ANKS1B: variants seen among roughly 807,000 people sequenced by gnomAD.
ANKS1B encodes the protein ankyrin repeat and sterile alpha motif domain-containing protein 1B.
A neutral mutation model predicts 148.3 loss-of-function variants in ANKS1B; 36 were observed. That is an observed-to-expected ratio of 0.24 (90% CI 0.19 to 0.32). The LOEUF (loss-of-function observed/expected upper bound fraction) is 0.32, where lower values mean the gene tolerates loss of function less well. ANKS1B is among the 10% of genes least tolerant of loss of function. The pLI is 1.00. For synonymous variants in ANKS1B, 542 were observed against 560.8 expected, an observed-to-expected ratio of 0.97 and a Z score of 0.47; for missense variants, 1,157 against 1,542.6, an observed-to-expected ratio of 0.75 and a Z score of 4.19.
intron 9 of ANKS1B, among the ~76,000 whole-genome samples, chr12:99,505,931 G>A (rs1596016779): frequency 2.6e-5 from 4 of 152,100 alleles, no homozygotes; most frequent in South Asian, 4.1e-4. Context: ...TTACATTAGC[G>A]TATAGTTGGG....
At chr12:99,304,262 C>T (rs994015896) in intron 12 of ANKS1B, among the ~76,000 whole-genome samples, 2 of 152,122 alleles carry the variant, frequency 1.3e-5, no homozygotes, top group African/African-American at 4.8e-5. Context: ...TTCACCACAT[C>T]CATGCCAACA....
chr12:99,634,600 C>T (rs1056547416), intron 9 of ANKS1B, among the ~76,000 whole-genome samples: 4 of 152,032 alleles, frequency 2.6e-5, no homozygotes, highest in Non-Finnish European at 5.9e-5. Flanking sequence ...TAATTTTATC[C>T]TAAATAATCT....
intron 16 of ANKS1B, among the ~76,000 whole-genome samples, chr12:99,071,603 G>A (rs2046293547): frequency 6.6e-6 from 1 of 151,950 alleles, no homozygotes; most frequent in Admixed American, 6.6e-5. Context: ...GATGCAGACA[G>A]GAAGATCTCT....
chr12:99,632,032 G>C (rs193104389), intron 9 of ANKS1B, among the ~76,000 whole-genome samples: 1 of 152,124 alleles, frequency 6.6e-6, no homozygotes, highest in African/African-American at 2.4e-5. Flanking sequence ...CAGGCTCAAA[G>C]GCTGAGGAGA....
chr12:99,317,455 GCT>G (rs935488428), intron 12 of ANKS1B, among the ~76,000 whole-genome samples: 2 of 152,032 alleles, frequency 1.3e-5, no homozygotes, highest in African/African-American at 4.8e-5. Flanking sequence ...TCATGATTTG[GCT>G]CTCTGTTTGT....
At chr12:99,815,118 G>C (rs1270011601) in intron 2 of ANKS1B, among the ~76,000 whole-genome samples, 1 of 151,712 alleles carries the variant, frequency 6.6e-6, no homozygotes, top group East Asian at 1.9e-4. Flanking sequence ...AAAAAAGATT[G>C]ATGGGATCAT....
At chr12:99,633,218 T>C (rs1371602272) in intron 9 of ANKS1B, among the ~76,000 whole-genome samples, 1 of 152,006 alleles carries the variant, frequency 6.6e-6, no homozygotes, top group Non-Finnish European at 1.5e-5. Flanking sequence ...GCAATAAACA[T>C]ACGTGTGCAT....
At chr12:98,749,749 G>C (rs1189121296) in intron 26 of ANKS1B, among the ~76,000 whole-genome samples, 1 of 152,176 alleles carries the variant, frequency 6.6e-6, no homozygotes, top group African/African-American at 2.4e-5. Flanking sequence ...TTGGGGCAGA[G>C]GGTGCCATGA....
chr12:98,875,157 T>C (rs1467946125), intron 17 of ANKS1B, among the ~76,000 whole-genome samples: 2 of 152,230 alleles, frequency 1.3e-5, no homozygotes, highest in Non-Finnish European at 2.9e-5. Flanking sequence ...CAATTCTGCC[T>C]CCTTGCCTCT....
intron 1 of ANKS1B, among the ~76,000 whole-genome samples, chr12:99,970,951 G>A (rs191929601): frequency 2.0e-4 from 31 of 152,290 alleles, no homozygotes; most frequent in Admixed American, 7.8e-4. Context: ...AGTACATGGG[G>A]TAGGTAGAGA....
At chr12:99,248,486 C>G (rs1048410454) in intron 12 of ANKS1B, among the ~76,000 whole-genome samples, 4 of 152,218 alleles carry the variant, frequency 2.6e-5, no homozygotes, top group African/African-American at 9.6e-5. Flanking sequence ...ATTATACTCA[C>G]TGTCTTCTCA....
chr12:99,186,726 C>A (rs550386436), intron 14 of ANKS1B, among the ~76,000 whole-genome samples: 2 of 152,084 alleles, frequency 1.3e-5, no homozygotes, highest in South Asian at 4.2e-4. Context: ...CACCAAAACC[C>A]TATCAGAAGT....
At chr12:99,841,213 C>G (rs2085693339) in intron 1 of ANKS1B, among the ~76,000 whole-genome samples, 1 of 152,002 alleles carries the variant, frequency 6.6e-6, no homozygotes, top group Non-Finnish European at 1.5e-5. Context: ...ACATAATAAT[C>G]ATCCTTTCTG....
At chr12:99,790,772 A>C (rs2153644159) in intron 4 of ANKS1B, among the ~76,000 whole-genome samples, 1 of 152,196 alleles carries the variant, frequency 6.6e-6, no homozygotes, top group Non-Finnish European at 1.5e-5. Flanking sequence ...GGGTACGCAA[A>C]AAAATTAAAA....
chr12:99,071,644 C>CTTTTTTTTTTTTTTTTTTTTTTTTTTTTT (rs71646503), intron 16 of ANKS1B, among the ~76,000 whole-genome samples: 1 of 143,144 alleles, frequency 7.0e-6, no homozygotes, highest in Non-Finnish European at 1.5e-5. Flanking sequence ...TAATCTCTCT[C>CTTTTTTTTTTTTTTTTTTTTTTTTTTTTT]TTTTTTTTTT....
chr12:98,777,775 A>T (rs192434295), intron 24 of ANKS1B, among the ~76,000 whole-genome samples: 2 of 152,336 alleles, frequency 1.3e-5, no homozygotes, highest in East Asian at 3.9e-4. Context: ...ACCCTTTCCC[A>T]TGAATTCAGC....
chr12:99,466,733 A>T (rs2096123989), intron 10 of ANKS1B, among the ~76,000 whole-genome samples: 1 of 152,100 alleles, frequency 6.6e-6, no homozygotes, highest in Admixed American at 6.5e-5. Context: ...CCCAAGACTA[A>T]ACCAGGAAGA....
chr12:99,461,013 C>G (rs187442681), intron 10 of ANKS1B, among the ~76,000 whole-genome samples: 1 of 151,068 alleles, frequency 6.6e-6, no homozygotes, highest in Admixed American at 6.6e-5. Flanking sequence ...CATCAATCAA[C>G]GAGTGGATAA....
chr12:99,797,603 T>C (rs1327055983), intron 4 of ANKS1B, among the ~76,000 whole-genome samples: 2 of 151,770 alleles, frequency 1.3e-5, no homozygotes, highest in African/African-American at 4.8e-5. Flanking sequence ...CACAGTGACA[T>C]TTCAAAACTT....
Sources: allele counts gnomAD v4.1 joint callset (sites outside exome capture counted in the v4.1 genomes callset), GRCh38; gene constraint gnomAD v4.1.1; transcripts MANE v1.5; gene names NCBI Gene and HGNC (gene_info 2026-07-23, HGNC 2026-07-21).